MOK: variants seen among roughly 807,000 people sequenced by gnomAD.
MOK encodes the protein MOK protein kinase, also known as MAPK/MAK/MRK overlapping kinase.
MOK carries 59 observed loss-of-function variants against 54.2 expected under a neutral mutation model. That is an observed-to-expected ratio of 1.09 (90% CI 0.88 to 1.35). MOK has a LOEUF of 1.35. MOK is among the 40% of genes most tolerant of loss of function. MOK has a pLI of 0.00. For synonymous variants in MOK, 210 were observed against 202.7 expected (o/e 1.04, Z -0.31); for missense variants, 517 against 526.2 (o/e 0.98, Z 0.17).
downstream of MOK, among the ~76,000 whole-genome samples, chr14:102,228,302 G>A (rs2064332371): frequency 6.6e-6 from 1 of 152,226 alleles, no homozygotes; most frequent in South Asian, 2.1e-4. Flanking sequence ...GGCCTGCCCT[G>A]TGCCCCGCAC....
chr14:102,267,721 G>C (rs2068029735), intron 2 of MOK, among the ~76,000 whole-genome samples: 1 of 152,114 alleles, frequency 6.6e-6, no homozygotes, highest in Admixed American at 6.6e-5. Context: ...ATTTTCATTT[G>C]TATCCTGTAT....
intron 1 of MOK, among the ~76,000 whole-genome samples, chr14:102,298,637 A>C (rs1432881939): frequency 6.6e-6 from 1 of 152,010 alleles, no homozygotes; most frequent in African/African-American, 2.4e-5. Flanking sequence ...TCTCTGTAAA[A>C]TGGACCAATC....
intron 1 of MOK, among the ~76,000 whole-genome samples, chr14:102,286,231 G>A (rs375365761): frequency 1.5e-4 from 22 of 149,064 alleles, no homozygotes; most frequent in East Asian, 8.0e-4. Flanking sequence ...CCCAGGAGGC[G>A]GAGCCTGCAG....
chr14:102,286,622 A>G (rs1306834471), intron 1 of MOK, among the ~76,000 whole-genome samples: 6 of 152,110 alleles, frequency 3.9e-5, no homozygotes, highest in Admixed American at 2.0e-4. Context: ...AAGAAAAAAA[A>G]ATAACTTGCT....
In MOK at chr14:102,231,746, G is replaced by A; in HGVS notation, c.942C>T (p.Leu314=). The A allele has an allele frequency of 1.2e-6, 2 of 1,612,292 alleles. No homozygotes were observed. The highest frequency in any genetic ancestry group is 2.7e-5 in the African/African-American group (2 of 74,984). The change falls in exon 10 of 12, where the codon CTC becomes CTT. Residue 314 remains leucine, a synonymous_variant. Coordinates refer to ENST00000361847, the MANE Select transcript of MOK (RefSeq NM_014226.3). The surrounding 1 kb of genome is among the most constrained non-coding windows in gnomAD (Gnocchi z 4.4). ...CCTTGGAAATCTGGCAGCTGTTACT[G>A]AGTGGTTCCGGTGCCACAGGGTGCT... ...FPEHPVAPEP[L]SNSCQISKEG... is the part of the protein sequence containing the mutation.
intron 1 of MOK, 27 bp from the exon 2 acceptor site, chr14:102,283,619 A>G: frequency 6.8e-7 from 1 of 1,479,400 alleles, no homozygotes; most frequent in Non-Finnish European, 9.4e-7. Context: ...TTACAAAAAT[A>G]AAATGTTATT....
chr14:102,214,764 T>C, the MOK span: 4 of 978,634 alleles, frequency 4.1e-6, no homozygotes, highest in African/African-American at 7.0e-5. Flanking sequence ...AGAGCCTTCC[T>C]AACATGAAAT....
chr14:102,272,931 G>C (rs2153151855), intron 2 of MOK, among the ~76,000 whole-genome samples: 1 of 152,286 alleles, frequency 6.6e-6, no homozygotes, highest in East Asian at 1.9e-4. Context: ...CAGCACTCTG[G>C]GAGGCCAAGG....
intron 1 of MOK, among the ~76,000 whole-genome samples, chr14:102,296,523 A>G (rs376272660): frequency 1.3e-5 from 2 of 152,226 alleles, no homozygotes; most frequent in Admixed American, 1.3e-4. Flanking sequence ...GAAGGTCCTG[A>G]GGCTAACTCA....
chr14:102,243,833 C>T (rs1340879075), intron 7 of MOK, among the ~76,000 whole-genome samples: 1 of 152,234 alleles, frequency 6.6e-6, no homozygotes, highest in East Asian at 1.9e-4. Flanking sequence ...TTCCACCAGG[C>T]CTAATCACCG....
chr14:102,231,874 C>T lies in MOK; in HGVS notation c.867-53G>A. 1 of 1,470,078 alleles carries T rather than the reference C, an allele frequency of 6.8e-7. No individual in the cohort carries two copies. The highest frequency in any genetic ancestry group is 9.5e-7 in the Non-Finnish European group (1 of 1,057,176). 91.1% of individuals were successfully genotyped at this position (1,470,078 alleles called of 1,614,324 possible). On this transcript the variant is annotated intron_variant, in intron 9 of 11. Transcript: ENST00000361847. This position sits in a 1 kb window ranked among gnomAD's most constrained non-coding sequence, Gnocchi z 4.4. The stretch of plus-strand genomic sequence containing the variant: ...AGCTCCACTGAGAGCCCGCAGAGCA[C>T]ACGGCCTACTGGCTTCTTTGTCTCC...
chr14:102,244,609 T>C (rs2084329991), intron 7 of MOK, among the ~76,000 whole-genome samples: 1 of 152,142 alleles, frequency 6.6e-6, no homozygotes, highest in Non-Finnish European at 1.5e-5. Flanking sequence ...GACTGGCAAA[T>C]TGACTTTACT....
intron 1 of MOK, among the ~76,000 whole-genome samples, chr14:102,298,139 C>G (rs1212784917): frequency 6.6e-6 from 1 of 152,220 alleles, no homozygotes; most frequent in African/African-American, 2.4e-5. Flanking sequence ...CTAGGTGAAG[C>G]CAGCTGGGCT....
chr14:102,229,166 G>A lies in MOK; in HGVS notation c.*123C>T, dbSNP rs2064402705. ...GCGCAGGGCAGCACCCAGAGCCCCG[G>A]CCAGCGCGAAACGGACGCAGGCGCA... On this transcript the variant is annotated 3_prime_UTR_variant, in exon 12 of 12. Coordinates refer to ENST00000361847, the MANE Select transcript of MOK (RefSeq NM_014226.3). The A allele has an allele frequency of 1.9e-6, 2 of 1,068,908 alleles. No homozygotes were observed. The highest frequency in any genetic ancestry group is 2.7e-6 in the Non-Finnish European group (2 of 753,924). The allele number at this position is 1,068,908 out of a possible 1,614,324, so 66.2% of individuals were successfully genotyped here.
rs528896196 is a variant in MOK, at chr14:102,296,875, T to C, written c.7+8087A>G. ...GAGATCGAGACAAGCCTGGCCAATATGGTGAAACCCTGTCTCTACTAAAAA... is the reference window on the plus strand; with the variant it reads ...GAGATCGAGACAAGCCTGGCCAATACGGTGAAACCCTGTCTCTACTAAAAA... On this transcript the variant is annotated intron_variant, in intron 1 of 11. Transcript: ENST00000361847. Among the ~76,000 whole-genome samples, 67 of 150,678 alleles carry C rather than the reference T, an allele frequency of 4.4e-4. 1 individual carries two copies. The Middle Eastern group carries it at 0.01, about 23-fold the overall frequency.
Position 102,238,692 on chromosome 14 carries a change from T to A in MOK, c.591-4903A>T, listed in dbSNP as rs573069895. Among the ~76,000 whole-genome samples, 6 of 152,256 alleles carry A rather than the reference T, an allele frequency of 3.9e-5. No homozygotes were observed. In the East Asian group the frequency reaches 1.2e-3, roughly 29 times the overall value. On this transcript the variant is annotated intron_variant, in intron 7 of 11. Coordinates refer to ENST00000361847, the MANE Select transcript of MOK (RefSeq NM_014226.3). This position sits in a 1 kb window ranked among gnomAD's most constrained non-coding sequence, Gnocchi z 4.8. ...ATAGATAAGGACCAGAAGCTAGACCTTCCCCAGGGCCAAACCGACAAAATC... is the reference window on the plus strand; with the variant it reads ...ATAGATAAGGACCAGAAGCTAGACCATCCCCAGGGCCAAACCGACAAAATC...
At chr14:102,303,751 G>T (rs1334406690) in intron 1 of MOK, among the ~76,000 whole-genome samples, 2 of 152,188 alleles carry the variant, frequency 1.3e-5, no homozygotes, top group Non-Finnish European at 1.5e-5. Context: ...CTCTTGAAAG[G>T]TCCAGTGAAA....
chr14:102,232,076 C>T lies in MOK; in HGVS notation c.867-255G>A, dbSNP rs1022028038. 1.1e-5 allele frequency: 5 copies of T among 441,578 alleles called. No individual in the cohort carries two copies. Among genetic ancestry groups the T allele is most frequent in the African/African-American group, 2.0e-5 (1 of 50,164 alleles). The allele number at this position is 441,578 out of a possible 1,614,324, so 27.4% of individuals were successfully genotyped here. ...CTCGCAGTTTCAGATCAAACTGTCA[C>T]CTCCACAGTTAGGCAAACAGGAGTG... is the stretch of plus-strand genomic sequence containing the variant. On this transcript the variant is annotated intron_variant, in intron 9 of 11. Transcript: ENST00000361847. The surrounding 1 kb of genome is among the most constrained non-coding windows in gnomAD (Gnocchi z 5.1).
At chr14:102,289,195 G>A (rs1176032254) in intron 1 of MOK, among the ~76,000 whole-genome samples, 4 of 152,012 alleles carry the variant, frequency 2.6e-5, no homozygotes, top group Non-Finnish European at 5.9e-5. Flanking sequence ...ACGAGCCACT[G>A]CGCTTGGCCA....
Sources: allele counts gnomAD v4.1 joint callset (sites outside exome capture counted in the v4.1 genomes callset), GRCh38; gene constraint gnomAD v4.1.1; non-coding constraint Gnocchi (gnomAD v3.1); transcripts MANE v1.5; gene names NCBI Gene and HGNC (gene_info 2026-07-23, HGNC 2026-07-21).